The following URB1 variants were observed in gnomAD, a reference collection of about 807,000 sequenced individuals.
URB1 encodes the protein nucleolar pre-ribosomal-associated protein 1.
A neutral mutation model predicts 242.3 loss-of-function variants in URB1; 197 were observed. That is an observed-to-expected ratio of 0.81 (90% CI 0.72 to 0.91). The LOEUF is 0.91. Among genes scored for constraint, URB1 ranks in the 40% least tolerant of loss-of-function variants. The pLI is 0.00. For synonymous variants in URB1, 1,153 were observed against 1,201.8 expected, an observed-to-expected ratio of 0.96 and a Z score of 0.84; for missense variants, 2,721 against 2,860.5, an observed-to-expected ratio of 0.95 and a Z score of 1.11.
intron 14 of URB1, among the ~76,000 whole-genome samples, chr21:32,358,596 C>A (rs1337490924): frequency 2.6e-5 from 4 of 152,144 alleles, no homozygotes; most frequent in Non-Finnish European, 5.9e-5. Flanking sequence ...TGCTGGTTAG[C>A]TTAGGCAGAG....
chr21:32,380,543 C>A (rs2033511734), intron 4 of URB1, among the ~76,000 whole-genome samples: 1 of 152,214 alleles, frequency 6.6e-6, no homozygotes, highest in South Asian at 2.1e-4. Context: ...ATGAAACACT[C>A]ATTCCATTCA....
In URB1 at chr21:32,344,644, T is replaced by C; in HGVS notation, c.4183A>G (p.Ser1395Gly). ...TTATCATCATCTTGCTGTCCACCAC[T>C]GAAAGACACGATCAGCCACTTCACA... ...SCVKWLIVSF[S>G]GGQQDDDNTQ... Residue 1395 changes from serine to glycine, a missense_variant, in exon 24 of 39, where the codon AGT (serine) becomes GGT (glycine). By Grantham distance (56) the Ser-to-Gly change is moderately conservative. Transcript: ENST00000382751. 1 of 1,552,376 alleles carries C rather than the reference T, an allele frequency of 6.4e-7. No individual in the cohort carries two copies. Among genetic ancestry groups the C allele is most frequent in the Non-Finnish European group, 8.7e-7 (1 of 1,147,154 alleles).
rs1032089048 is a variant in URB1 at position 32,354,070 on chromosome 21, C to A, written c.2279G>T (p.Gly760Val). The part of the protein sequence containing the change: ...VLDMVDVLVE[G>V]SEGLDEEIGF... ...TATTTCCTCATCCAAGCCTTCACTG[C>A]CCTCCACCAGGACATCCACCATGTC... The change falls in exon 18 of 39, where the codon GGC becomes GTC. Residue 760 changes from glycine (G) to valine (V), a missense_variant. Coordinates refer to ENST00000382751, the MANE Select transcript of URB1 (RefSeq NM_014825.3). 1.3e-6 allele frequency: 2 copies of A among 1,551,558 alleles called. No homozygotes were observed. Among genetic ancestry groups the A allele is most frequent in the African/African-American group, 1.4e-5 (1 of 73,030 alleles).
At chr21:32,349,788 T>C (rs2033135885) in intron 20 of URB1, among the ~76,000 whole-genome samples, 1 of 152,194 alleles carries the variant, frequency 6.6e-6, no homozygotes, top group African/African-American at 2.4e-5. Flanking sequence ...AGTTACTAAA[T>C]TAATACACTT....
chr21:32,333,465 A>C (rs575524269), intron 29 of URB1, 46 bp from the exon 30 acceptor site: 1 of 1,419,814 alleles, frequency 7.0e-7, no homozygotes, highest in South Asian at 1.3e-5. Context: ...AACCTCACAA[A>C]GGTAATACAG....
intron 23 of URB1, 83 bp from the exon 24 acceptor site, chr21:32,344,839 C>T: frequency 1.4e-6 from 2 of 1,422,752 alleles, no homozygotes; most frequent in Non-Finnish European, 1.9e-6. Context: ...CACAAAGAGC[C>T]ATATGGGATA....
chr21:32,362,010 G>C lies in URB1; in HGVS notation c.1521C>G (p.Asp507Glu). ...GCCAGACCCACACGACAGTGTTCAGGTCTGGCAAAATCTAAATGGGAAAAA... is the reference window on the plus strand; with the variant it reads ...GCCAGACCCACACGACAGTGTTCAGCTCTGGCAAAATCTAAATGGGAAAAA... Reference protein sequence around the residue: ...FREALSKILPDLNTVVWVWQS... With the variant: ...FREALSKILPELNTVVWVWQS... Residue 507 changes from aspartate (D) to glutamate (E), a missense_variant, in exon 12 of 39, where the codon GAC becomes GAG. Coordinates refer to ENST00000382751, the MANE Select transcript of URB1 (RefSeq NM_014825.3). 1.3e-6 allele frequency: 2 copies of C among 1,551,240 alleles called. No individual in the cohort carries two copies. Among genetic ancestry groups the C allele is most frequent in the South Asian group, 1.2e-5 (1 of 83,994 alleles).
At chr21:32,326,614 C>A (rs1373649274) in intron 30 of URB1, among the ~76,000 whole-genome samples, 1 of 152,054 alleles carries the variant, frequency 6.6e-6, no homozygotes, top group African/African-American at 2.4e-5. Flanking sequence ...GGGCAGATTT[C>A]CCCTTGCTGT....
intron 4 of URB1, among the ~76,000 whole-genome samples, chr21:32,382,335 G>A (rs1180752283): frequency 1.3e-5 from 2 of 152,176 alleles, no homozygotes; most frequent in African/African-American, 4.8e-5. Context: ...ATTACTCATT[G>A]AATGGAATTT....
intron 32 of URB1, 24 bp from the exon 33 acceptor site, chr21:32,322,608 G>GTCAT (rs1568808577): frequency 6.5e-7 from 1 of 1,527,558 alleles, no homozygotes; most frequent in South Asian, 1.2e-5. Context: ...CAGTCAGTCA[G>GTCAT]TCATGGCAGG....
rs2033418924 is a variant in URB1 at position 32,372,647 on chromosome 21, A to T, written c.877-16T>A. 4 of 1,543,804 alleles carry T rather than the reference A, an allele frequency of 2.6e-6. No homozygotes were observed. Among genetic ancestry groups the T allele is most frequent in the East Asian group, 2.5e-5 (1 of 40,762 alleles). On this transcript the variant is annotated splice_polypyrimidine_tract_variant and intron_variant, in intron 7 of 38. Transcript: ENST00000382751. ...CGGCAGAAACCTATGAAGATTTTTT[A>T]AAAATTCAATGAAAATCCCAAGCTC...
rs562263010 is a variant in URB1 at position 32,385,676 on chromosome 21, C to T, written c.151G>A (p.Ala51Thr). 107 of 1,550,088 alleles carry T rather than the reference C, an allele frequency of 6.9e-5. No homozygotes were observed. In the African/African-American group the frequency reaches 1.3e-3, roughly 19 times the overall value. Residue 51 changes from alanine (A) to threonine (T), a missense_variant, in exon 2 of 39, where the codon GCG becomes ACG. By Grantham distance (58) the Ala-to-Thr change is moderately conservative (BLOSUM62 0). Transcript: ENST00000382751. ...AGCTTCTTGGCAGCAGACACAAACG[C>T]TTCCAAGCCTGAAAAAAAAGTTATG... ...DPQGPGPGLE[A>T]FVSAAKKLPR...
intron 6 of URB1, 120 bp from the exon 7 acceptor site, chr21:32,373,892 G>T: frequency 9.3e-7 from 1 of 1,073,976 alleles, no homozygotes; most frequent in Non-Finnish European, 1.3e-6. Context: ...GCTTGCTAGT[G>T]GCAGAAAATT....
chr21:32,355,247 G>A (rs2033205867), intron 16 of URB1, among the ~76,000 whole-genome samples: 1 of 152,052 alleles, frequency 6.6e-6, no homozygotes, highest in Non-Finnish European at 1.5e-5. Flanking sequence ...ATTCCCAAAA[G>A]GAAATGAAAC....
In URB1 at chr21:32,311,719, G is replaced by T. The variant is rs1270689130; in HGVS notation, c.*3199C>A. On this transcript the variant is annotated 3_prime_UTR_variant, in exon 39 of 39. Coordinates refer to ENST00000382751, the MANE Select transcript of URB1 (RefSeq NM_014825.3). ...AAGCACCACCAAACATGCCCCTGGA[G>T]TCACGGCCTCAACCTCCACCTCTGC... is the stretch of plus-strand genomic sequence containing the variant. 9 of 1,613,938 alleles carry T rather than the reference G, an allele frequency of 5.6e-6. No individual in the cohort carries two copies. In the African/African-American group the frequency reaches 1.1e-4, roughly 19 times the overall value.
intron 25 of URB1, among the ~76,000 whole-genome samples, chr21:32,340,265 G>A (rs1019273558): frequency 1.3e-5 from 2 of 152,124 alleles, no homozygotes; most frequent in African/African-American, 4.8e-5. Flanking sequence ...ATGTATCAAG[G>A]GTCAGGAAGG....
intron 5 of URB1, 78 bp from the exon 6 acceptor site, chr21:32,375,561 G>T: frequency 2.4e-6 from 2 of 828,872 alleles, no homozygotes; most frequent in Non-Finnish European, 3.6e-6. Flanking sequence ...TTACTGTTTA[G>T]GTGGTACAGC....
Position 32,362,021 on chromosome 21 carries a change from TC to T in URB1, c.1510-1del. On this transcript the variant is annotated splice_acceptor_variant, in intron 11 of 38. Transcript: ENST00000382751. LOFTEE classifies it high-confidence loss of function. ...ACGACAGTGTTCAGGTCTGGCAAAATCTAAATGGGAAAAAGAAGCAGAACAT... is the reference window on the plus strand; with the variant it reads ...ACGACAGTGTTCAGGTCTGGCAAAATTAAATGGGAAAAAGAAGCAGAACAT... 1 of 1,551,010 alleles carries T rather than the reference TC, an allele frequency of 6.4e-7. No individual in the cohort carries two copies. Among genetic ancestry groups the T allele is most frequent in the South Asian group, 1.2e-5 (1 of 83,980 alleles).
chr21:32,336,943 C>T, intron 28 of URB1, 151 bp downstream of exon 28: 1 of 773,440 alleles, frequency 1.3e-6, no homozygotes, highest in South Asian at 1.7e-5. Context: ...GCACCCTATG[C>T]AGAAGCCAGT....
Sources: allele counts gnomAD v4.1 joint callset (sites outside exome capture counted in the v4.1 genomes callset), GRCh38; gene constraint gnomAD v4.1.1; transcripts MANE v1.5; gene names NCBI Gene and HGNC (gene_info 2026-07-23, HGNC 2026-07-21).